TSPAN18: variants seen among roughly 807,000 people sequenced by gnomAD.
The protein encoded by TSPAN18 is tetraspanin-18.
TSPAN18 carries 14 observed loss-of-function variants against 27.3 expected under a neutral mutation model. The observed-to-expected ratio is 0.51, with a 90% CI of 0.34 to 0.80. The LOEUF is 0.80. Ranked by LOEUF, TSPAN18 falls within the 30% of genes least tolerant of loss-of-function variation. TSPAN18 has a pLI of 0.01. For missense variants in TSPAN18, 268 were observed against 323.9 expected, an observed-to-expected ratio of 0.83 and a Z score of 1.32; for synonymous variants, 143 against 136.5, an observed-to-expected ratio of 1.05 and a Z score of -0.33.
chr11:44,793,976 CA>C (rs1392169868), intron 2 of TSPAN18, among the ~76,000 whole-genome samples: 2 of 151,686 alleles, frequency 1.3e-5, no homozygotes, highest in African/African-American at 2.4e-5. Context: ...GGTTGAGGAA[CA>C]GGGGGGTGGG....
rs148530271 is a variant in TSPAN18, at chr11:44,780,599, A to G, written c.-153+16087A>G. Among the ~76,000 whole-genome samples, 1,180 of 152,284 alleles carry G rather than the reference A, an allele frequency of 7.7e-3. 10 individuals are homozygous for G. The highest frequency in any genetic ancestry group is 0.027 in the African/African-American group (1,130 of 41,548). On this transcript the variant is annotated intron_variant, in intron 2 of 9. Transcript: ENST00000520358. The stretch of plus-strand genomic sequence containing the variant: ...CTTCATCATTTCCTTCATGGTTCTG[A>G]TATTTGTTGAGGAGAAAATGACGTC...
intron 2 of TSPAN18, among the ~76,000 whole-genome samples, chr11:44,816,560 C>T (rs1234509139): frequency 1.3e-5 from 2 of 152,086 alleles, no homozygotes; most frequent in Non-Finnish European, 2.9e-5. Context: ...ATCTTAACTC[C>T]TCTCTCCATA....
chr11:44,894,269 C>G lies in TSPAN18; in HGVS notation c.-10-12138C>G, dbSNP rs551617669. Among the ~76,000 whole-genome samples the G allele has an allele frequency of 3.3e-5, 5 of 152,294 alleles. No individual in the cohort carries two copies. In the East Asian group the frequency reaches 9.7e-4, roughly 30 times the overall value. On this transcript the variant is annotated intron_variant, in intron 3 of 9. Coordinates refer to ENST00000520358, the MANE Select transcript of TSPAN18 (RefSeq NM_130783.5). ...AGGCTTATGGCTGGCACAGGCAGAT[C>G]CCCCACTGGTGGGAACGCAGTTGCA...
chr11:44,908,821 A>AAGAAAGAAAGAG (rs1554938151), intron 4 of TSPAN18, among the ~76,000 whole-genome samples: 2 of 114,308 alleles, frequency 1.7e-5, no homozygotes, highest in African/African-American at 7.3e-5. Context: ...GAAAGAAAGA[A>AAGAAAGAAAGAG]AGAAAGAAAA....
chr11:44,857,749 C>A (rs1183084495), intron 2 of TSPAN18, among the ~76,000 whole-genome samples: 1 of 152,210 alleles, frequency 6.6e-6, no homozygotes, highest in Non-Finnish European at 1.5e-5. Context: ...TCCTCCCCAA[C>A]TGGCACTTCT....
chr11:44,881,228 G>T (rs1858481105), intron 3 of TSPAN18, among the ~76,000 whole-genome samples: 1 of 152,202 alleles, frequency 6.6e-6, no homozygotes. Flanking sequence ...ATCTGTAGAA[G>T]TGCAAACTCC....
intron 3 of TSPAN18, chr11:44,903,465 T>C (rs1859339567): frequency 2.2e-6 from 1 of 456,328 alleles, no homozygotes; most frequent in Non-Finnish European, 4.4e-6. Flanking sequence ...GGCAGCTTGG[T>C]CTCCTGTAGA....
At chr11:44,771,293 A>G (rs1384041241) in intron 2 of TSPAN18, among the ~76,000 whole-genome samples, 2 of 152,224 alleles carry the variant, frequency 1.3e-5, no homozygotes, top group Admixed American at 6.5e-5. Context: ...ATGAAGCTCT[A>G]TGCCTTGCTG....
chr11:44,759,366 T>G (rs1189321156), intron 1 of TSPAN18, among the ~76,000 whole-genome samples: 1 of 152,136 alleles, frequency 6.6e-6, no homozygotes, highest in Non-Finnish European at 1.5e-5. Context: ...GACGACGTGG[T>G]CTCTCCTCAG....
chr11:44,731,046 AC>A (rs1261606771), intron 1 of TSPAN18, among the ~76,000 whole-genome samples: 1 of 152,206 alleles, frequency 6.6e-6, no homozygotes, highest in African/African-American at 2.4e-5. Flanking sequence ...CCTGGTCTGC[AC>A]CCAAGACTGC....
At chr11:44,807,192 TAAAAAAAAAAAAAAAAAAAA>T (rs1046665098) in intron 2 of TSPAN18, among the ~76,000 whole-genome samples, 2 of 67,320 alleles carry the variant, frequency 3.0e-5, no homozygotes, top group African/African-American at 8.2e-5. Flanking sequence ...CCCTGTCTCT[TAAAAAAAAAAAAAAAAAAAA>T]AAAAAAAAAA....
intron 2 of TSPAN18, among the ~76,000 whole-genome samples, chr11:44,777,232 T>C (rs1855832674): frequency 1.3e-5 from 2 of 152,186 alleles, no homozygotes; most frequent in African/African-American, 4.8e-5. Flanking sequence ...AAGAGGTGTT[T>C]GTTTTTTTCC....
chr11:44,896,937 G>A lies in TSPAN18; in HGVS notation c.-10-9470G>A, dbSNP rs556409889. Among the ~76,000 whole-genome samples, 20 of 152,286 alleles carry A rather than the reference G, an allele frequency of 1.3e-4. No homozygotes were observed. In the East Asian group the frequency reaches 3.9e-3, roughly 29 times the overall value. On this transcript the variant is annotated intron_variant, in intron 3 of 9. Transcript: ENST00000520358. Reference sequence around the variant, plus strand: ...GTGAGTGGGTGGGTTGAGGGAGGAAGGGAGGGATGGGTAAATGGGGAGGAA... The same window carrying A: ...GTGAGTGGGTGGGTTGAGGGAGGAAAGGAGGGATGGGTAAATGGGGAGGAA...
intron 1 of TSPAN18, among the ~76,000 whole-genome samples, chr11:44,763,608 G>A (rs1411105799): frequency 1.3e-5 from 2 of 152,202 alleles, no homozygotes; most frequent in Admixed American, 1.3e-4. Context: ...GTTTCAAAAT[G>A]ACTCAGAAAG....
At chr11:44,791,499 G>A (rs1349401299) in intron 2 of TSPAN18, among the ~76,000 whole-genome samples, 1 of 152,188 alleles carries the variant, frequency 6.6e-6, no homozygotes, top group African/African-American at 2.4e-5. Context: ...CGGAGCGAGT[G>A]GGGCATTTGT....
chr11:44,903,117 G>T (rs566822701), intron 3 of TSPAN18, among the ~76,000 whole-genome samples: 2 of 152,038 alleles, frequency 1.3e-5, no homozygotes, highest in South Asian at 2.1e-4. Context: ...TATATATTTT[G>T]GTGGGGGCAG....
At chr11:44,748,209 G>A (rs867184293) in intron 1 of TSPAN18, among the ~76,000 whole-genome samples, 1 of 152,160 alleles carries the variant, frequency 6.6e-6, no homozygotes, top group Non-Finnish European at 1.5e-5. Context: ...GGAGTTCGAA[G>A]CCAGCCTGGC....
intron 2 of TSPAN18, chr11:44,859,749 C>G (rs554471017): frequency 6.6e-6 from 1 of 152,234 alleles, no homozygotes. Flanking sequence ...GGGTATGGCC[C>G]TGGAGAGAGG....
chr11:44,853,296 T>C (rs751412336), intron 2 of TSPAN18, among the ~76,000 whole-genome samples: 2 of 149,820 alleles, frequency 1.3e-5, no homozygotes, highest in Admixed American at 1.3e-4. Context: ...GTCCATGGAG[T>C]GGGTGGGGAG....
Sources: allele counts gnomAD v4.1 joint callset (sites outside exome capture counted in the v4.1 genomes callset), GRCh38; gene constraint gnomAD v4.1.1; transcripts MANE v1.5; gene names NCBI Gene and HGNC (gene_info 2026-07-23, HGNC 2026-07-21).